The following SSPN variants were observed in gnomAD, a reference collection of about 807,000 sequenced individuals.
The protein encoded by SSPN is K-ras oncogene-associated protein.
In SSPN, 15 loss-of-function variants were observed where a neutral mutation model predicts 19.1. The ratio of observed to expected loss-of-function variants is 0.78; its 90% confidence interval spans 0.52 to 1.21. The LOEUF is 1.21. Among genes scored for constraint, SSPN ranks in the 50% most tolerant of loss-of-function variants. The pLI is 0.00. For synonymous variants in SSPN, 147 were observed against 140.3 expected, an observed-to-expected ratio of 1.05 and a Z score of -0.34; for missense variants, 291 against 314.0, an observed-to-expected ratio of 0.93 and a Z score of 0.55.
intron 1 of SSPN, among the ~76,000 whole-genome samples, chr12:26,174,682 G>A (rs1030015106): frequency 6.6e-6 from 1 of 151,878 alleles, no homozygotes; most frequent in Non-Finnish European, 1.5e-5. Context: ...CACCACACCC[G>A]GCTCATTTTT....
At chr12:26,191,781 A>G (rs1206101092), upstream of SSPN, among the ~76,000 whole-genome samples, 1 of 152,152 alleles carries the variant, frequency 6.6e-6, no homozygotes, top group Admixed American at 6.5e-5. Flanking sequence ...CCAGCAAGGC[A>G]TATGGGGGCA....
chr12:26,128,373 G>A (rs530633615), intron 1 of SSPN, among the ~76,000 whole-genome samples: 1 of 152,360 alleles, frequency 6.6e-6, no homozygotes, highest in African/African-American at 2.4e-5. Flanking sequence ...GAGTCATTCA[G>A]TTGGCATCTA....
chr12:26,224,252 G>A (rs748018010), intron 1 of SSPN, 41 bp from the exon 2 acceptor site: 27 of 1,431,600 alleles, frequency 1.9e-5, no homozygotes, highest in Non-Finnish European at 2.2e-5. Flanking sequence ...AACGCACAAC[G>A]TACCCTGATA....
At chr12:26,123,846 G>A (rs2137388697) in intron 1 of SSPN, 1 of 843,242 alleles carries the variant, frequency 1.2e-6, no homozygotes, top group Non-Finnish European at 2.1e-6. Flanking sequence ...CACTTTGAAA[G>A]AAGTACTGTT....
intron 1 of SSPN, among the ~76,000 whole-genome samples, chr12:26,169,059 G>A (rs974520152): frequency 1.8e-4 from 27 of 150,042 alleles, no homozygotes; most frequent in African/African-American, 6.4e-4. Context: ...GGTAATGATG[G>A]TCATCCAACA....
At chr12:26,122,576 G>A in intron 1 of SSPN, 3 of 1,117,980 alleles carry the variant, frequency 2.7e-6, no homozygotes, top group Non-Finnish European at 2.2e-6. Context: ...TCAGCAGCGC[G>A]GCCGCGGCGG....
chr12:26,201,985 G>C (rs1244066268), intron 1 of SSPN, among the ~76,000 whole-genome samples: 1 of 151,904 alleles, frequency 6.6e-6, no homozygotes, highest in African/African-American at 2.4e-5. Flanking sequence ...ATTGGTACTG[G>C]GACTCCTGAT....
chr12:26,146,302 C>T (rs1944490077), intron 1 of SSPN, among the ~76,000 whole-genome samples: 1 of 152,196 alleles, frequency 6.6e-6, no homozygotes, highest in Non-Finnish European at 1.5e-5. Context: ...GATGGTTACA[C>T]TAGATACCCA....
chr12:26,132,067 T>C (rs1944399904), intron 1 of SSPN, among the ~76,000 whole-genome samples: 1 of 151,950 alleles, frequency 6.6e-6, no homozygotes, highest in Non-Finnish European at 1.5e-5. Flanking sequence ...TTTAGAGGAG[T>C]TGTTGAGAGA....
At position 26,163,174 on chromosome 12, in the gene SSPN, C is replaced by T. The variant is rs187685204; in HGVS notation, c.-31+41022C>T. ...CACACCATGAAGAACTGAAAGCAGT[C>T]CTTTCTTGAAAGAGGGAAGGTGTAG... On this transcript the variant is annotated intron_variant, in intron 1 of 2. Coordinates refer to the SSPN transcript ENST00000538142. 5.3e-5 allele frequency among the ~76,000 whole-genome samples: 8 copies of T among 152,072 alleles called. No homozygotes were observed. In the South Asian group the frequency reaches 1.0e-3, roughly 20 times the overall value.
Position 26,232,623 on chromosome 12 carries a change from G to A in SSPN, c.*1547G>A, listed in dbSNP as rs1945245111. ...TAGAAGAAAGTGGAATAATTCCACT[G>A]ATTGTGATAATGGTTTCAATTTCTA... On this transcript the variant is annotated 3_prime_UTR_variant, in exon 3 of 3. Coordinates refer to ENST00000242729, the MANE Select transcript of SSPN (RefSeq NM_005086.5). 1 of 984,660 alleles carries A rather than the reference G, an allele frequency of 1.0e-6. No homozygotes were observed. The highest frequency in any genetic ancestry group is 1.7e-5 in the African/African-American group (1 of 57,208). 61.0% of individuals were successfully genotyped at this position (984,660 alleles called of 1,614,324 possible).
At chr12:26,123,596 A>C (rs1245017617) in intron 1 of SSPN, 1 of 1,487,980 alleles carries the variant, frequency 6.7e-7, no homozygotes. Context: ...GCCCCGCTTC[A>C]TCAGGGTAGG....
intron 1 of SSPN, among the ~76,000 whole-genome samples, chr12:26,166,717 C>G (rs1471548552): frequency 6.6e-6 from 1 of 152,204 alleles, no homozygotes; most frequent in Non-Finnish European, 1.5e-5. Flanking sequence ...CTGTTTGTGT[C>G]TGCTTTCATA....
rs1472751167 is a variant in SSPN at position 26,122,490 on chromosome 12, G to T, written c.-31+338G>T. On this transcript the variant is annotated intron_variant, in intron 1 of 2. Transcript: ENST00000538142. The stretch of plus-strand genomic sequence containing the variant: ...GGGCAGGCAGAAGGGGGCCGCGGCG[G>T]CCGCGGGCTGCGGGAAGGGCGCGCC... The T allele has an allele frequency of 5.3e-6, 7 of 1,324,348 alleles. No homozygotes were observed. In the African/African-American group the frequency reaches 1.1e-4, roughly 20 times the overall value. The allele number at this position is 1,324,348 out of a possible 1,614,324, so 82.0% of individuals were successfully genotyped here.
At chr12:26,224,250 A>C (rs377574414) in intron 1 of SSPN, 43 bp from the exon 2 acceptor site, 1 of 1,419,664 alleles carries the variant, frequency 7.0e-7, no homozygotes, top group East Asian at 2.3e-5. Flanking sequence ...TGAACGCACA[A>C]CGTACCCTGA....
chr12:26,227,194 T>C (rs1428415390), intron 2 of SSPN, among the ~76,000 whole-genome samples: 3 of 152,182 alleles, frequency 2.0e-5, no homozygotes, highest in Non-Finnish European at 2.9e-5. Flanking sequence ...CAGAAGCTTG[T>C]TGCTGTCAGA....
chr12:26,191,489 A>G (rs571193691), upstream of SSPN, among the ~76,000 whole-genome samples: 2 of 152,324 alleles, frequency 1.3e-5, no homozygotes, highest in African/African-American at 4.8e-5. Context: ...TGAGAAAGTC[A>G]TAAGCCCTTT....
At chr12:26,142,314 C>T (rs74072013) in intron 1 of SSPN, among the ~76,000 whole-genome samples, 79 of 151,910 alleles carry the variant, frequency 5.2e-4, no homozygotes, top group African/African-American at 1.9e-3. Flanking sequence ...CCAGTTGGGA[C>T]GATATGGCCA....
chr12:26,151,731 A>C (rs1043445538), intron 1 of SSPN, among the ~76,000 whole-genome samples: 6 of 152,150 alleles, frequency 3.9e-5, no homozygotes, highest in Non-Finnish European at 8.8e-5. Context: ...ATCTAGTACA[A>C]ATTTTTTGTA....
Sources: allele counts gnomAD v4.1 joint callset (sites outside exome capture counted in the v4.1 genomes callset), GRCh38; gene constraint gnomAD v4.1.1; transcripts MANE v1.5; gene names NCBI Gene and HGNC (gene_info 2026-07-23, HGNC 2026-07-21).